DDX10: variants seen among roughly 807,000 people sequenced by gnomAD.
DDX10 encodes probable ATP-dependent RNA helicase DDX10.
Under a neutral mutation model 104.3 loss-of-function variants are expected in DDX10, and 74 were observed. The ratio of observed to expected loss-of-function variants is 0.71; its 90% CI spans 0.59 to 0.86. The LOEUF is 0.86. DDX10 is among the 40% of genes least tolerant of loss of function. The probability of loss-of-function intolerance (pLI) is 0.00; values close to 1 mark genes in which losing one functional copy is unlikely to be tolerated. For missense variants in DDX10, 952 were observed against 1,040.0 expected (o/e 0.92, Z 1.16); for synonymous variants, 351 against 353.4 (o/e 0.99, Z 0.08).
intron 13 of DDX10, among the ~76,000 whole-genome samples, chr11:108,825,038 AATGGC>A (rs1260567703): frequency 6.6e-6 from 1 of 152,214 alleles, no homozygotes; most frequent in East Asian, 1.9e-4. Flanking sequence ...AAGTAAGGAA[AATGGC>A]ATGAAAAGAA....
intron 16 of DDX10, among the ~76,000 whole-genome samples, chr11:108,914,203 A>C (rs1383067699): frequency 6.6e-6 from 1 of 152,240 alleles, no homozygotes; most frequent in Non-Finnish European, 1.5e-5. Context: ...TTTAACTTTC[A>C]AATTATTCTC....
chr11:108,887,844 T>C (rs1030365620), intron 16 of DDX10, among the ~76,000 whole-genome samples: 1 of 151,684 alleles, frequency 6.6e-6, no homozygotes, highest in African/African-American at 2.4e-5. Flanking sequence ...CGCTTAAACC[T>C]GGGCAGTAGA....
At chr11:108,940,065 G>A (rs1190775201) in intron 17 of DDX10, among the ~76,000 whole-genome samples, 181 bp from the exon 18 acceptor site, 7 of 152,190 alleles carry the variant, frequency 4.6e-5, no homozygotes, top group Admixed American at 2.0e-4. Context: ...TGCCTGGTGC[G>A]TGGTAGGACC....
intron 1 of DDX10, among the ~76,000 whole-genome samples, chr11:108,672,040 G>A (rs545835546): frequency 8.0e-4 from 104 of 130,792 alleles, no homozygotes; most frequent in Middle Eastern, 9.0e-3. Context: ...CAGCCTGGGC[G>A]ACACAGCGAG....
chr11:108,815,271 ATAT>A (rs1262418269), intron 13 of DDX10, among the ~76,000 whole-genome samples: 1 of 152,068 alleles, frequency 6.6e-6, no homozygotes, highest in Admixed American at 6.6e-5. Flanking sequence ...AGCAGACATG[ATAT>A]TATGATTTGT....
At chr11:108,728,080 T>A (rs1028814712) in intron 13 of DDX10, among the ~76,000 whole-genome samples, 1 of 151,726 alleles carries the variant, frequency 6.6e-6, no homozygotes, top group Non-Finnish European at 1.5e-5. Context: ...ACACACAGTA[T>A]ACAAGCCCAT....
Position 108,719,313 on chromosome 11 carries a change from A to C in DDX10, c.1411-484A>C, listed in dbSNP as rs142597063. Among the ~76,000 whole-genome samples the C allele has an allele frequency of 8.7e-3, 1,332 of 152,272 alleles. 4 individuals are homozygous for C. Among genetic ancestry groups the C allele is most frequent in the Middle Eastern group, 0.017 (5 of 294 alleles). ...TCAATAACTAGCATTTGTTGTTACT[A>C]TATTCCAGAAAATATGCTAGGTATC... On this transcript the variant is annotated intron_variant, in intron 11 of 17. Transcript: ENST00000322536.
chr11:108,866,660 A>G (rs72993526), intron 16 of DDX10, among the ~76,000 whole-genome samples: 2,881 of 152,284 alleles, frequency 0.019, 44 homozygotes, highest in Non-Finnish European at 0.033. Context: ...ATAGAGGACA[A>G]TTTTTAATAG....
chr11:108,861,982 G>T (rs555360315), intron 16 of DDX10, among the ~76,000 whole-genome samples: 1 of 152,070 alleles, frequency 6.6e-6, no homozygotes, highest in African/African-American at 2.4e-5. Context: ...AGCAAAGATT[G>T]CACCACCGCA....
intron 17 of DDX10, 116 bp downstream of exon 17, chr11:108,918,134 T>G (rs1863777106): frequency 8.7e-6 from 9 of 1,038,400 alleles, no homozygotes; most frequent in Non-Finnish European, 2.9e-6. Flanking sequence ...TGCTTTTTTT[T>G]GATACCTTTA....
chr11:108,834,188 T>A (rs989672484), intron 13 of DDX10, among the ~76,000 whole-genome samples: 1 of 151,486 alleles, frequency 6.6e-6, no homozygotes, highest in African/African-American at 2.4e-5. Context: ...AGGCTGGTCG[T>A]GAACTCCTGG....
intron 17 of DDX10, among the ~76,000 whole-genome samples, chr11:108,927,659 A>G (rs1458097779): frequency 6.9e-6 from 1 of 145,614 alleles, no homozygotes; most frequent in African/African-American, 2.5e-5. Context: ...TCTTTTTCTG[A>G]TGGAGTCTCC....
At chr11:108,761,744 ATTTGGGTCACC>A (rs964123249) in intron 13 of DDX10, among the ~76,000 whole-genome samples, 4 of 152,074 alleles carry the variant, frequency 2.6e-5, no homozygotes, top group Non-Finnish European at 5.9e-5. Context: ...GGCCTCTGCC[ATTTGGGTCACC>A]AGAGAAAGTA....
intron 13 of DDX10, among the ~76,000 whole-genome samples, chr11:108,766,179 T>A (rs1248390567): frequency 3.3e-5 from 5 of 152,184 alleles, no homozygotes; most frequent in Admixed American, 2.6e-4. Flanking sequence ...GAAAGCATAA[T>A]TTTTTTGTTT....
At chr11:108,717,589 AG>A (rs2094293155) in intron 11 of DDX10, among the ~76,000 whole-genome samples, 1 of 152,192 alleles carries the variant, frequency 6.6e-6, no homozygotes, top group South Asian at 2.1e-4. Context: ...TGGTATTACA[AG>A]CGTGAACCAC....
intron 9 of DDX10, among the ~76,000 whole-genome samples, chr11:108,696,420 G>A (rs553433183): frequency 7.9e-5 from 12 of 152,070 alleles, no homozygotes; most frequent in Admixed American, 7.2e-4. Context: ...CAAGTGATCC[G>A]CCCGCCTCAG....
rs1448876695 is a variant in DDX10 at position 108,679,519 on chromosome 11, A to G, written c.807A>G (p.Lys269=). 2 of 1,612,752 alleles carry G rather than the reference A, an allele frequency of 1.2e-6. No individual in the cohort carries two copies. The highest frequency in any genetic ancestry group is 1.7e-5 in the Admixed American group (1 of 59,654). ...SVKDLARLSL[K]NPEYVWVHEK... ...AGGACCTTGCACGCTTGAGTTTGAAAAACCCTGAGTATGTCTGGGTTCATG... is the reference window on the plus strand; with the variant it reads ...AGGACCTTGCACGCTTGAGTTTGAAGAACCCTGAGTATGTCTGGGTTCATG... The change falls in exon 6 of 18, where the codon AAA becomes AAG. Residue 269 remains lysine (K), a synonymous_variant. Transcript: ENST00000322536.
intron 16 of DDX10, among the ~76,000 whole-genome samples, chr11:108,872,237 A>G (rs893973917): frequency 6.6e-6 from 1 of 152,232 alleles, no homozygotes; most frequent in Admixed American, 6.5e-5. Flanking sequence ...TTGATGACTA[A>G]TTGTATTCAA....
intron 15 of DDX10, among the ~76,000 whole-genome samples, chr11:108,848,712 C>G (rs992745714): frequency 6.6e-6 from 1 of 152,038 alleles, no homozygotes; most frequent in African/African-American, 2.4e-5. Context: ...TAAATCTGAT[C>G]TATTTTCATG....
Sources: allele counts gnomAD v4.1 joint callset (sites outside exome capture counted in the v4.1 genomes callset), GRCh38; gene constraint gnomAD v4.1.1; transcripts MANE v1.5; gene names NCBI Gene and HGNC (gene_info 2026-07-23, HGNC 2026-07-21).